The following POU1F1 variants were observed in gnomAD, a reference collection of about 807,000 sequenced individuals.
The protein encoded by POU1F1 is POU class 1 homeobox 1, also known as pituitary-specific positive transcription factor 1.
In POU1F1, 23 loss-of-function variants were observed where a neutral mutation model predicts 32.3. That is an observed-to-expected ratio of 0.71 (90% CI 0.51 to 1.01). The LOEUF is 1.01. POU1F1 is among the 50% of genes least tolerant of loss of function. The probability of loss-of-function intolerance (pLI) is 0.00; values close to 1 mark genes in which losing one functional copy is unlikely to be tolerated. For synonymous variants in POU1F1, 120 were observed against 115.6 expected, an observed-to-expected ratio of 1.04 and a Z score of -0.25; for missense variants, 323 against 341.6, an observed-to-expected ratio of 0.95 and a Z score of 0.43.
intron 5 of POU1F1, among the ~76,000 whole-genome samples, chr3:87,260,849 T>A (rs1706496008): frequency 6.7e-6 from 1 of 150,240 alleles, no homozygotes; most frequent in Non-Finnish European, 1.5e-5. Context: ...CAAAATTAAG[T>A]TATTACATTA....
intron 1 of POU1F1, among the ~76,000 whole-genome samples, chr3:87,275,839 A>G (rs2106943406): frequency 6.6e-6 from 1 of 152,216 alleles, no homozygotes; most frequent in Admixed American, 6.5e-5. Context: ...TTATTCTATG[A>G]AATCCATTGT....
At chr3:87,273,558 T>C (rs1706766621) in intron 1 of POU1F1, 140 bp from the exon 2 acceptor site, 11 of 1,446,148 alleles carry the variant, frequency 7.6e-6, no homozygotes, top group Non-Finnish European at 1.0e-5. Context: ...TACACATTTA[T>C]GTGGTTCTTA....
chr3:87,270,253 C>A (rs745930433), intron 2 of POU1F1, among the ~76,000 whole-genome samples: 2 of 152,050 alleles, frequency 1.3e-5, no homozygotes, highest in Non-Finnish European at 2.9e-5. Context: ...TACTACTCAA[C>A]CCCAGTAGAG....
chr3:87,270,870 T>C (rs1157633113), intron 2 of POU1F1, among the ~76,000 whole-genome samples: 3 of 152,120 alleles, frequency 2.0e-5, no homozygotes, highest in African/African-American at 4.8e-5. Flanking sequence ...TTCTCTAAGA[T>C]CTAATCTCTC....
Position 87,262,186 on chromosome 3 carries a change from A to C in POU1F1, c.489T>G (p.Ser163=). ...VGEALAAVHG[S]EFSQTTICRF... ...GGCAGATTGTTGTTTGACTGAATTC[A>C]GAGCCATGCACAGCTGCCAGGGCCT... The change falls in exon 4 of 6, where the codon TCT becomes TCG. Residue 163 remains serine (S), a synonymous_variant. Coordinates refer to ENST00000350375, the MANE Select transcript of POU1F1 (RefSeq NM_000306.4). The C allele has an allele frequency of 6.2e-7, 1 of 1,614,168 alleles. No individual in the cohort carries two copies. The highest frequency in any genetic ancestry group is 8.5e-7 in the Non-Finnish European group (1 of 1,180,012).
chr3:87,261,440 A>C (rs1002040266), intron 4 of POU1F1, 107 bp from the exon 5 acceptor site: 2 of 859,110 alleles, frequency 2.3e-6, no homozygotes, highest in African/African-American at 3.5e-5. Flanking sequence ...CAAAATAAAA[A>C]TGCTAGACAT....
At chr3:87,266,740 G>A (rs1268389865) in intron 2 of POU1F1, among the ~76,000 whole-genome samples, 1 of 151,634 alleles carries the variant, frequency 6.6e-6, no homozygotes. Flanking sequence ...TTTATTTTTA[G>A]CTTTTTATTA....
intron 2 of POU1F1, among the ~76,000 whole-genome samples, chr3:87,271,530 G>A (rs1051176202): frequency 1.1e-4 from 16 of 152,126 alleles, no homozygotes; most frequent in African/African-American, 3.6e-4. Context: ...TTGGTTCCTG[G>A]GAGTTCCTCT....
At position 87,272,744 on chromosome 3, in the gene POU1F1, T is replaced by A. The variant is rs1706750254; in HGVS notation, c.214+603A>T. Among the ~76,000 whole-genome samples, 3 of 152,164 alleles carry A rather than the reference T, an allele frequency of 2.0e-5. No homozygotes were observed. The South Asian group carries it at 6.2e-4, about 31-fold the overall frequency. ...CACTCAGAAGCAATTCAGAAAGGGC[T>A]GCTAAAGCCTGAAACAGCTATCACT... On this transcript the variant is annotated intron_variant, in intron 2 of 5. Coordinates refer to ENST00000350375, the MANE Select transcript of POU1F1 (RefSeq NM_000306.4).
chr3:87,262,710 C>T (rs1454505698), intron 3 of POU1F1, among the ~76,000 whole-genome samples: 3 of 152,118 alleles, frequency 2.0e-5, no homozygotes, highest in East Asian at 3.9e-4. Flanking sequence ...CTAAATAAAA[C>T]TAAGAATTAT....
At chr3:87,275,935 A>G (rs1706817829) in intron 1 of POU1F1, among the ~76,000 whole-genome samples, 1 of 152,102 alleles carries the variant, frequency 6.6e-6, no homozygotes, top group African/African-American at 2.4e-5. Flanking sequence ...AACCGAATAA[A>G]CCTTTAAGAT....
At chr3:87,268,084 C>CCTTTTTTTTTTTTTTTTTTTTTTTT (rs747971339) in intron 2 of POU1F1, among the ~76,000 whole-genome samples, 1 of 116,468 alleles carries the variant, frequency 8.6e-6, no homozygotes. Flanking sequence ...TTCCCTTTCC[C>CCTTTTTTTTTTTTTTTTTTTTTTTT]TTTTTTTTTT....
intron 1 of POU1F1, among the ~76,000 whole-genome samples, chr3:87,274,980 G>A (rs775070162): frequency 1.8e-4 from 27 of 151,658 alleles, no homozygotes; most frequent in Non-Finnish European, 3.7e-4. Flanking sequence ...TTATTACCTC[G>A]ATTCTGAATT....
chr3:87,273,448 T>C (rs546702859), intron 1 of POU1F1, 30 bp from the exon 2 acceptor site: 3 of 1,610,766 alleles, frequency 1.9e-6, no homozygotes, highest in East Asian at 2.2e-5. Flanking sequence ...CACCGAGAAA[T>C]GTGTGCACAA....
Position 87,262,195 on chromosome 3 carries a change from C to G in POU1F1, c.480G>C (p.Val160=). Residue 160 remains valine, a synonymous_variant, in exon 4 of 6, where the codon GTG becomes GTC. Transcript: ENST00000350375. ...TTGTTTGACTGAATTCAGAGCCATG[C>G]ACAGCTGCCAGGGCCTCCCCAACAT... ...QTNVGEALAA[V]HGSEFSQTTI... is the part of the protein sequence containing the mutation. 3 of 1,614,158 alleles carry G rather than the reference C, an allele frequency of 1.9e-6. No homozygotes were observed. Among genetic ancestry groups the G allele is most frequent in the Non-Finnish European group, 2.5e-6 (3 of 1,180,004 alleles).
In POU1F1 at chr3:87,273,287, C is replaced by T. The variant is rs34134326; in HGVS notation, c.214+60G>A. On this transcript the variant is annotated intron_variant, in intron 2 of 5. Transcript: ENST00000350375. ...CACTCTGATCACAATTCTTTCAGGC[C>T]CAGAAAATCCATCTAAGTGTCCCCA... 1.4e-3 allele frequency: 2,136 copies of T among 1,502,318 alleles called. 23 individuals are homozygous for T. In the African/African-American group the frequency reaches 0.026, roughly 19 times the overall value. The allele number at this position is 1,502,318 out of a possible 1,614,324, so 93.1% of individuals were successfully genotyped here. A position where few individuals can be genotyped will look rare whatever the true frequency, so the allele number is the denominator to read the frequency against.
intron 2 of POU1F1, among the ~76,000 whole-genome samples, chr3:87,272,519 A>C (rs942020387): frequency 2.0e-5 from 3 of 152,294 alleles, no homozygotes; most frequent in South Asian, 2.1e-4. Context: ...TTAAAATCTT[A>C]TGTGGCCATG....
At position 87,266,924 on chromosome 3, in the gene POU1F1, G is replaced by T. The variant is rs963380830; in HGVS notation, c.215-2412C>A. Among the ~76,000 whole-genome samples, 13 of 151,806 alleles carry T rather than the reference G, an allele frequency of 8.6e-5. 1 individual carries two copies. The highest frequency in any genetic ancestry group is 7.9e-4 in the Admixed American group (12 of 15,206). On this transcript the variant is annotated intron_variant, in intron 2 of 5. Transcript: ENST00000350375. ...AAACCTTCACTTCTTTGATTATTTA[G>T]GTCCATCAGGTATCACTTAATACAT... is the stretch of plus-strand genomic sequence containing the variant.
chr3:87,261,175 CATTT>C, intron 5 of POU1F1, 94 bp downstream of exon 5: 6 of 938,086 alleles, frequency 6.4e-6, no homozygotes, highest in Non-Finnish European at 1.0e-5. Flanking sequence ...ATTCACCTTA[CATTT>C]ATATGTTATG....
Sources: allele counts gnomAD v4.1 joint callset (sites outside exome capture counted in the v4.1 genomes callset), GRCh38; gene constraint gnomAD v4.1.1; transcripts MANE v1.5; gene names NCBI Gene and HGNC (gene_info 2026-07-23, HGNC 2026-07-21).